The following SLC24A2 variants were observed in gnomAD, a reference collection of about 807,000 sequenced individuals.
The protein encoded by SLC24A2 is solute carrier family 24 member 2, also known as sodium/potassium/calcium exchanger 2.
SLC24A2 carries 36 observed loss-of-function variants against 62.0 expected under a neutral mutation model. That is an observed-to-expected ratio of 0.58 (90% CI 0.44 to 0.77). The LOEUF is 0.77. SLC24A2 is among the 30% of genes least tolerant of loss of function. The pLI is 0.00. For synonymous variants in SLC24A2, 358 were observed against 294.0 expected, an observed-to-expected ratio of 1.22 and a Z score of -2.23; for missense variants, 846 against 817.9, an observed-to-expected ratio of 1.03 and a Z score of -0.42.
At chr9:19,680,936 C>T (rs892558625) in intron 2 of SLC24A2, among the ~76,000 whole-genome samples, 1 of 151,880 alleles carries the variant, frequency 6.6e-6, no homozygotes, top group African/African-American at 2.4e-5. Context: ...ACTATTACCA[C>T]CTGCCCGATA....
At chr9:19,987,285 A>G in the SLC24A2 span, among the ~76,000 whole-genome samples, 36 of 152,078 alleles carry the variant, frequency 2.4e-4, no homozygotes, top group African/African-American at 8.5e-4. Flanking sequence ...AATGGGAGAG[A>G]AGAGCTATAC....
At chr9:19,971,141 C>A in the SLC24A2 span, among the ~76,000 whole-genome samples, 2 of 152,146 alleles carry the variant, frequency 1.3e-5, no homozygotes, top group Non-Finnish European at 2.9e-5. Flanking sequence ...TCCTTCTGCT[C>A]GCACAGAGTA....
chr9:20,226,728 C>T, the SLC24A2 span, among the ~76,000 whole-genome samples: 27 of 152,200 alleles, frequency 1.8e-4, no homozygotes, highest in Non-Finnish European at 2.5e-4. Flanking sequence ...CACATTCTTC[C>T]ATCTGTCTTT....
At chr9:19,569,163 G>C (rs1196320628) in intron 7 of SLC24A2, among the ~76,000 whole-genome samples, 1 of 152,036 alleles carries the variant, frequency 6.6e-6, no homozygotes, top group African/African-American at 2.4e-5. Flanking sequence ...TAGGCTTTGA[G>C]GTCCATATGG....
the SLC24A2 span, among the ~76,000 whole-genome samples, chr9:20,001,009 G>A: frequency 5.3e-5 from 8 of 152,166 alleles, no homozygotes; most frequent in East Asian, 1.9e-4. Context: ...CAAAGATCAC[G>A]TTTTGAGGCC....
chr9:19,672,391 T>C (rs562580078), intron 2 of SLC24A2, among the ~76,000 whole-genome samples: 1 of 146,702 alleles, frequency 6.8e-6, no homozygotes, highest in South Asian at 2.1e-4. Flanking sequence ...TTGTAATAGC[T>C]CCTGTTTTGT....
At chr9:19,846,300 T>C in the SLC24A2 span, among the ~76,000 whole-genome samples, 4 of 152,242 alleles carry the variant, frequency 2.6e-5, no homozygotes, top group African/African-American at 9.6e-5. Flanking sequence ...TATATTTGGA[T>C]AGTTAAGTCT....
the SLC24A2 span, among the ~76,000 whole-genome samples, chr9:20,257,183 C>T: frequency 3.3e-5 from 5 of 152,086 alleles, no homozygotes; most frequent in African/African-American, 4.8e-5. Flanking sequence ...TCCAAAGTCC[C>T]TTGTTCAGCA....
the SLC24A2 span, among the ~76,000 whole-genome samples, chr9:20,009,175 G>A: frequency 6.6e-5 from 10 of 152,160 alleles, no homozygotes; most frequent in African/African-American, 2.4e-4. Context: ...CCCTGTGAAA[G>A]AGGCTCACTC....
rs1212508620 is a variant in SLC24A2, at chr9:19,643,295, G to C, written c.931-20996C>G. 2.6e-5 allele frequency among the ~76,000 whole-genome samples: 4 copies of C among 152,096 alleles called. No individual in the cohort carries two copies. The South Asian group carries it at 6.2e-4, about 24-fold the overall frequency. ...TCTTTCCCACTGAACTATCTGCAGA[G>C]ATCAAAGGACCCATTATTCAGGCCA... On this transcript the variant is annotated intron_variant, in intron 2 of 10. Transcript: ENST00000341998.
chr9:20,193,085 T>G, the SLC24A2 span, among the ~76,000 whole-genome samples: 104 of 152,280 alleles, frequency 6.8e-4, no homozygotes, highest in South Asian at 8.5e-3. Context: ...AGTAGCAAGA[T>G]CCCTGCTCTA....
chr9:20,003,772 A>T, the SLC24A2 span, among the ~76,000 whole-genome samples: 3 of 152,078 alleles, frequency 2.0e-5, no homozygotes, highest in South Asian at 2.1e-4. Context: ...TTCCAATAAA[A>T]CTTTATTTAT....
intron 5 of SLC24A2, among the ~76,000 whole-genome samples, chr9:19,590,139 C>T (rs1237119146): frequency 7.1e-6 from 1 of 141,678 alleles, no homozygotes; most frequent in East Asian, 2.1e-4. Context: ...GCCCATGGGA[C>T]CAATTTGAAG....
chr9:19,526,952 C>A (rs1378873625), intron 9 of SLC24A2, among the ~76,000 whole-genome samples: 1 of 152,038 alleles, frequency 6.6e-6, no homozygotes, highest in East Asian at 1.9e-4. Context: ...TTTCTGTCCT[C>A]TAGAAGTTTG....
At chr9:19,693,968 C>T (rs894819413) in intron 2 of SLC24A2, among the ~76,000 whole-genome samples, 39 of 152,008 alleles carry the variant, frequency 2.6e-4, no homozygotes, top group African/African-American at 9.2e-4. Context: ...TAGAAACTTT[C>T]TTAGAAGATG....
At chr9:20,042,173 G>T in the SLC24A2 span, among the ~76,000 whole-genome samples, 2 of 152,208 alleles carry the variant, frequency 1.3e-5, no homozygotes, top group Non-Finnish European at 2.9e-5. Flanking sequence ...TCTCCAACCT[G>T]CCATGAGTCC....
At chr9:20,078,004 G>A in the SLC24A2 span, among the ~76,000 whole-genome samples, 1 of 143,414 alleles carries the variant, frequency 7.0e-6, no homozygotes, top group Non-Finnish European at 1.6e-5. Context: ...AGATGCTGGT[G>A]AGGAGGGGCA....
chr9:20,108,371 T>A, the SLC24A2 span, among the ~76,000 whole-genome samples: 2 of 152,154 alleles, frequency 1.3e-5, no homozygotes, highest in African/African-American at 4.8e-5. Flanking sequence ...GGACTATAAA[T>A]CATGCTGCTA....
the SLC24A2 span, among the ~76,000 whole-genome samples, chr9:20,032,958 T>C: frequency 6.6e-6 from 1 of 152,196 alleles, no homozygotes; most frequent in Non-Finnish European, 1.5e-5. Context: ...TTACAGCTGG[T>C]ATGCTTTGCC....
Sources: allele counts gnomAD v4.1 joint callset (sites outside exome capture counted in the v4.1 genomes callset), GRCh38; gene constraint gnomAD v4.1.1; transcripts MANE v1.5; gene names NCBI Gene and HGNC (gene_info 2026-07-23, HGNC 2026-07-21).